Variants in CERKL observed in about 807,000 individuals in gnomAD.
CERKL encodes ceramide kinase-like protein.
CERKL carries 61 observed loss-of-function variants against 63.4 expected under a neutral mutation model. The observed-to-expected ratio is 0.96, with a 90% CI of 0.78 to 1.19. CERKL has a LOEUF of 1.19. CERKL is among the 50% of genes most tolerant of loss of function. The pLI, the probability that CERKL is intolerant of heterozygous loss-of-function variation, is 0.00. For missense variants in CERKL, 675 were observed against 655.5 expected (o/e 1.03, Z -0.33); for synonymous variants, 250 against 230.5 (o/e 1.08, Z -0.77).
At chr2:181,568,738 G>A (rs922471518) in intron 3 of CERKL, among the ~76,000 whole-genome samples, 5 of 149,362 alleles carry the variant, frequency 3.3e-5, no homozygotes, top group Non-Finnish European at 7.4e-5. Context: ...ACATTGTGCA[G>A]GTTAGTTACA....
chr2:181,653,564 A>G (rs1044171865), intron 1 of CERKL, among the ~76,000 whole-genome samples: 2 of 152,258 alleles, frequency 1.3e-5, no homozygotes, highest in Non-Finnish European at 2.9e-5. Flanking sequence ...ATGGAATACT[A>G]GTCAGCCATT....
chr2:181,575,535 T>C (rs1689096669), intron 2 of CERKL, among the ~76,000 whole-genome samples: 1 of 152,120 alleles, frequency 6.6e-6, no homozygotes, highest in Admixed American at 6.5e-5. Flanking sequence ...TTAATTCTTA[T>C]TAGGGATCTG....
At chr2:181,566,244 T>C in intron 3 of CERKL, 123 bp from the exon 4 acceptor site, 3 of 751,258 alleles carry the variant, frequency 4.0e-6, no homozygotes, top group Non-Finnish European at 7.1e-6. Flanking sequence ...GCATTTATTC[T>C]TGAATATTTA....
rs1018620259 is a variant in CERKL, at chr2:181,616,231, T to A, written c.239-12152A>T. ...ATTTTTTTTTTTTTTTTTTTTTTTT[T>A]AAGACAGAGTCTCACTCTGTCACCC... On this transcript the variant is annotated intron_variant, in intron 1 of 12. Transcript: ENST00000410087. 4.5e-5 allele frequency among the ~76,000 whole-genome samples: 5 copies of A among 110,196 alleles called. No homozygotes were observed. In the East Asian group the frequency reaches 1.1e-3, roughly 25 times the overall value. 72.3% of individuals were successfully genotyped at this position (110,196 alleles called of 152,430 possible).
chr2:181,587,518 T>C (rs1684817215), intron 2 of CERKL, among the ~76,000 whole-genome samples: 2 of 152,190 alleles, frequency 1.3e-5, no homozygotes, highest in Admixed American at 6.5e-5. Context: ...GAAGATGCTA[T>C]AGAGTAGACC....
At chr2:181,634,734 TA>T (rs2105491258) in intron 1 of CERKL, among the ~76,000 whole-genome samples, 1 of 152,244 alleles carries the variant, frequency 6.6e-6, no homozygotes, top group African/African-American at 2.4e-5. Flanking sequence ...TTGGTTAGTT[TA>T]AGATATAAAC....
intron 5 of CERKL, among the ~76,000 whole-genome samples, chr2:181,555,467 T>G (rs1384328308): frequency 6.6e-6 from 1 of 152,198 alleles, no homozygotes; most frequent in African/African-American, 2.4e-5. Context: ...TCTAGAATTA[T>G]CAGATTATAT....
intron 4 of CERKL, among the ~76,000 whole-genome samples, chr2:181,565,230 A>G (rs1378888856): frequency 6.6e-6 from 1 of 152,154 alleles, no homozygotes; most frequent in African/African-American, 2.4e-5. Context: ...TCCTGACCTT[A>G]TGGGTCTTTG....
chr2:181,611,398 C>T (rs1685962742), intron 1 of CERKL, among the ~76,000 whole-genome samples: 1 of 152,018 alleles, frequency 6.6e-6, no homozygotes, highest in African/African-American at 2.4e-5. Flanking sequence ...GTGGCTAATG[C>T]CTGTGATTGC....
intron 1 of CERKL, among the ~76,000 whole-genome samples, chr2:181,608,753 GTAAT>G: frequency 6.6e-6 from 1 of 152,164 alleles, no homozygotes; most frequent in East Asian, 1.9e-4. Flanking sequence ...ATAAAAGACA[GTAAT>G]TGATGGATTT....
Position 181,538,154 on chromosome 2 carries a change from T to G in CERKL, c.*30A>C. On this transcript the variant is annotated 3_prime_UTR_variant, in exon 13 of 13. Transcript: ENST00000410087. ...CATTTCTTTATATTAAAATTCTAGT[T>G]TGTACATTTCTTTTAGAAACAATTA... 1 of 1,421,206 alleles carries G rather than the reference T, an allele frequency of 7.0e-7. No homozygotes were observed. Among genetic ancestry groups the G allele is most frequent in the Non-Finnish European group, 9.9e-7 (1 of 1,009,418 alleles). 88.0% of individuals were successfully genotyped at this position (1,421,206 alleles called of 1,614,324 possible).
At chr2:181,646,868 T>A (rs192564076) in intron 1 of CERKL, among the ~76,000 whole-genome samples, 15 of 152,260 alleles carry the variant, frequency 9.9e-5, no homozygotes, top group Non-Finnish European at 8.8e-5. Context: ...TGAAGAATAA[T>A]TAAGAGGTGA....
rs527556433 is a variant in CERKL at position 181,621,834 on chromosome 2, T to C, written c.239-17755A>G. Among the ~76,000 whole-genome samples, 109 of 152,362 alleles carry C rather than the reference T, an allele frequency of 7.2e-4. 1 individual carries two copies. The highest frequency in any genetic ancestry group is 2.2e-3 in the African/African-American group (90 of 41,600). ...CTCTGTGCTGTAATACTGTCAGTTT[T>C]TTTTTAGAAAGATAAATTTGATATC... On this transcript the variant is annotated intron_variant, in intron 1 of 12. Coordinates refer to ENST00000410087, the MANE Select transcript of CERKL (RefSeq NM_201548.5).
intron 3 of CERKL, among the ~76,000 whole-genome samples, chr2:181,567,649 A>G (rs1037801655): frequency 6.6e-6 from 1 of 152,190 alleles, no homozygotes; most frequent in African/African-American, 2.4e-5. Context: ...TCTATAAAAT[A>G]TATTAGCAAA....
intron 2 of CERKL, among the ~76,000 whole-genome samples, chr2:181,601,366 C>A (rs948377955): frequency 6.6e-6 from 1 of 152,148 alleles, no homozygotes; most frequent in Non-Finnish European, 1.5e-5. Flanking sequence ...TCAAGACCAG[C>A]CTGGCCAACA....
chr2:181,541,330 T>C (rs1428526533), intron 11 of CERKL, among the ~76,000 whole-genome samples: 1 of 152,184 alleles, frequency 6.6e-6, no homozygotes, highest in Non-Finnish European at 1.5e-5. Flanking sequence ...GCTGACATTG[T>C]CTTGCAGCTC....
chr2:181,554,347 T>C (rs1688114443), intron 5 of CERKL, among the ~76,000 whole-genome samples: 1 of 152,126 alleles, frequency 6.6e-6, no homozygotes, highest in Non-Finnish European at 1.5e-5. Flanking sequence ...AAACGGCACC[T>C]ACACTTTGGT....
intron 1 of CERKL, among the ~76,000 whole-genome samples, chr2:181,616,205 A>ATTTT (rs1198325232): frequency 1.7e-5 from 2 of 117,468 alleles, no homozygotes; most frequent in East Asian, 2.5e-4. Context: ...CAAAAATCTA[A>ATTTT]ATTTTTTTTT....
intron 8 of CERKL, 149 bp downstream of exon 8, chr2:181,548,396 T>G: frequency 1.5e-6 from 1 of 673,986 alleles, no homozygotes; most frequent in Non-Finnish European, 2.6e-6. Flanking sequence ...GTTGTTTGCT[T>G]ACTAGGACCT....
Sources: gnomAD v4.1 joint callset for allele counts (sites outside exome capture counted in the v4.1 genomes callset) on GRCh38, gnomAD v4.1.1 for gene constraint, MANE v1.5 for transcripts, NCBI Gene and HGNC (gene_info 2026-07-23, HGNC 2026-07-21) for gene names.